The following SORBS2 variants were observed in gnomAD, a reference collection of about 807,000 sequenced individuals.
The protein encoded by SORBS2 is sorbin and SH3 domain-containing protein 2.
A neutral mutation model predicts 97.7 loss-of-function variants in SORBS2; 46 were observed. That is an observed-to-expected ratio of 0.47 (90% CI 0.37 to 0.60). The LOEUF (loss-of-function observed/expected upper bound fraction) is 0.60. Ranked by LOEUF, SORBS2 falls within the 20% of genes least tolerant of loss-of-function variation. The probability of loss-of-function intolerance (pLI) is 0.00; values close to 1 mark genes in which losing one functional copy is unlikely to be tolerated. For synonymous variants in SORBS2, 476 were observed against 473.4 expected (o/e 1.01, Z -0.07); for missense variants, 1,316 against 1,282.3 (o/e 1.03, Z -0.40).
chr4:185,860,508 C>T (rs2099223116), intron 1 of SORBS2, among the ~76,000 whole-genome samples: 1 of 152,116 alleles, frequency 6.6e-6, no homozygotes, highest in Non-Finnish European at 1.5e-5. Context: ...GAAGAATGTT[C>T]TTGGTGTTGG....
rs1312292398 is a variant in SORBS2 at position 185,806,434 on chromosome 4, CTATTTTTTTTTTTTTT to C, written c.-337-31084_-337-31069del. On this transcript the variant is annotated intron_variant, in intron 1 of 20. Coordinates refer to the SORBS2 transcript ENST00000284776. ...AGTGGCACAGCTCTTGGCTAGAATCCTATTTTTTTTTTTTTTTTTTTTTTTTTTTTTTTTTTTTTTT... is the reference window on the plus strand; with the variant it reads ...AGTGGCACAGCTCTTGGCTAGAATCCTTTTTTTTTTTTTTTTTTTTTTTTT... 9.1e-3 allele frequency among the ~76,000 whole-genome samples: 980 copies of C among 108,130 alleles called. 222 individuals are homozygous for C. Among genetic ancestry groups the C allele is most frequent in the African/African-American group, 0.031 (849 of 27,280 alleles). 70.9% of individuals were successfully genotyped at this position (108,130 alleles called of 152,430 possible). A position where few individuals can be genotyped will look rare whatever the true frequency, so the allele number is the denominator to read the frequency against.
intron 1 of SORBS2, among the ~76,000 whole-genome samples, chr4:185,950,869 G>T (rs893949986): frequency 3.9e-5 from 6 of 152,182 alleles, no homozygotes; most frequent in African/African-American, 1.4e-4. Context: ...GAGCAGAATA[G>T]GAAGGGAATA....
chr4:185,721,359 G>A (rs2098513254), intron 2 of SORBS2, among the ~76,000 whole-genome samples: 1 of 152,186 alleles, frequency 6.6e-6, no homozygotes, highest in African/African-American at 2.4e-5. Context: ...ACAGGCGTGA[G>A]CCAGCATACC....
At chr4:185,628,021 T>C (rs1000096650) in intron 5 of SORBS2, among the ~76,000 whole-genome samples, 2 of 152,186 alleles carry the variant, frequency 1.3e-5, no homozygotes, top group Non-Finnish European at 2.9e-5. Flanking sequence ...CTCATTTCTT[T>C]GTATTGCTGA....
chr4:185,811,451 T>C (rs2153667521), intron 1 of SORBS2, among the ~76,000 whole-genome samples: 1 of 152,284 alleles, frequency 6.6e-6, no homozygotes, highest in Middle Eastern at 3.4e-3. Flanking sequence ...ATCGGTCATG[T>C]TTTTTATCTT....
At chr4:185,721,750 A>G (rs1444442900) in intron 2 of SORBS2, among the ~76,000 whole-genome samples, 1 of 152,246 alleles carries the variant, frequency 6.6e-6, no homozygotes, top group Non-Finnish European at 1.5e-5. Flanking sequence ...AAAGAAGGGA[A>G]AACAAAAGCT....
intron 4 of SORBS2, among the ~76,000 whole-genome samples, chr4:185,631,220 T>A (rs2096901111): frequency 3.9e-5 from 6 of 152,206 alleles, no homozygotes; most frequent in Admixed American, 3.9e-4. Context: ...ACTTTTACAA[T>A]TAGGTGAGTT....
chr4:185,687,737 C>T (rs2097996531), intron 2 of SORBS2, among the ~76,000 whole-genome samples: 1 of 152,148 alleles, frequency 6.6e-6, no homozygotes, highest in South Asian at 2.1e-4. Context: ...AATGGAGGCT[C>T]TGTCTTTAAT....
At chr4:185,652,697 G>C in exon 2 of SORBS2, 1 of 1,614,112 alleles carries the variant, frequency 6.2e-7, no homozygotes, top group Non-Finnish European at 8.5e-7. Flanking sequence ...CTTAAACATC[G>C]TCTTGTACCA....
chr4:185,871,660 C>G (rs2099230484), intron 1 of SORBS2, among the ~76,000 whole-genome samples: 1 of 152,210 alleles, frequency 6.6e-6, no homozygotes, highest in South Asian at 2.1e-4. Context: ...GACAGCAAGT[C>G]TTTCTCTCTC....
At chr4:185,830,093 C>A (rs1204110314) in intron 1 of SORBS2, among the ~76,000 whole-genome samples, 1 of 152,162 alleles carries the variant, frequency 6.6e-6, no homozygotes, top group Non-Finnish European at 1.5e-5. Flanking sequence ...TAATCGCATG[C>A]CATTTGATTA....
chr4:185,620,107 C>A lies in SORBS2; in HGVS notation c.2260G>T (p.Gly754Trp). 1.3e-5 allele frequency: 21 copies of A among 1,612,636 alleles called. No homozygotes were observed. The highest frequency in any genetic ancestry group is 1.7e-5 in the Non-Finnish European group (20 of 1,178,636). Residue 754 changes from glycine (G) to tryptophan (W), a missense_variant, in exon 8 of 15, where the codon GGG becomes TGG. By Grantham distance (184) the Gly-to-Trp change is radical. Transcript: ENST00000418609. ...CTTCTTTCCCTTGGTGCACTTCTCC[C>A]CATGTCAGTCAAAGTGGATGAGTAA...
At chr4:185,849,162 T>C (rs1312659067) in intron 1 of SORBS2, among the ~76,000 whole-genome samples, 1 of 152,138 alleles carries the variant, frequency 6.6e-6, no homozygotes, top group African/African-American at 2.4e-5. Context: ...TAGGGCTCCA[T>C]CAGACTGAAA....
At chr4:185,689,619 C>T (rs552070393) in intron 2 of SORBS2, among the ~76,000 whole-genome samples, 65 of 152,170 alleles carry the variant, frequency 4.3e-4, no homozygotes, top group Non-Finnish European at 8.8e-4. Flanking sequence ...TCTCTGAGGC[C>T]ACTACGGCAC....
intron 2 of SORBS2, among the ~76,000 whole-genome samples, chr4:185,706,986 C>A (rs1315265728): frequency 6.6e-6 from 1 of 152,032 alleles, no homozygotes; most frequent in Non-Finnish European, 1.5e-5. Context: ...GTACATGTTT[C>A]TTAATGCTTT....
chr4:185,700,127 G>T (rs1249822890), intron 2 of SORBS2, among the ~76,000 whole-genome samples: 1 of 152,224 alleles, frequency 6.6e-6, no homozygotes, highest in African/African-American at 2.4e-5. Context: ...TAAATTTCAT[G>T]ATTAGGTTGA....
intron 1 of SORBS2, among the ~76,000 whole-genome samples, chr4:185,866,505 C>T (rs28580667): frequency 0.058 from 8,804 of 152,254 alleles, 331 homozygotes; most frequent in African/African-American, 0.11. Context: ...CATTCAAGAG[C>T]GTCATGTTTC....
intron 2 of SORBS2, among the ~76,000 whole-genome samples, chr4:185,731,447 CCCCTCCCTCCCTCCCTGCCTGTCTCTCT>C (rs2098624534): frequency 1.5e-5 from 2 of 137,042 alleles, no homozygotes; most frequent in Non-Finnish European, 3.1e-5. Flanking sequence ...GTGTTCTCTC[CCCCTCCCTCCCTCCCTGCCTGTCTCTCT>C]CCCTCCCTCC....
chr4:185,656,238 G>C (rs1415261241), intron 1 of SORBS2, among the ~76,000 whole-genome samples: 1 of 152,150 alleles, frequency 6.6e-6, no homozygotes, highest in Admixed American at 6.5e-5. Context: ...TCAATCTAAA[G>C]AGTCTAAAAC....
Sources: allele counts gnomAD v4.1 joint callset (sites outside exome capture counted in the v4.1 genomes callset), GRCh38; gene constraint gnomAD v4.1.1; transcripts MANE v1.5; gene names NCBI Gene and HGNC (gene_info 2026-07-23, HGNC 2026-07-21).